The following NEO1 variants were observed in gnomAD, a reference collection of about 807,000 sequenced individuals.
NEO1 encodes the protein neogenin 1.
A neutral mutation model predicts 159.7 loss-of-function variants in NEO1; 63 were observed. That is an observed-to-expected ratio of 0.39 (90% confidence interval 0.32 to 0.49). The LOEUF (loss-of-function observed/expected upper bound fraction) is 0.49. Ranked by LOEUF, NEO1 falls within the 20% of genes least tolerant of loss-of-function variation. The probability of loss-of-function intolerance (pLI) is 0.85; values close to 1 mark genes in which losing one functional copy is unlikely to be tolerated. For synonymous variants in NEO1, 633 were observed against 662.0 expected (o/e 0.96, Z 0.67); for missense variants, 1,615 against 1,831.0 (o/e 0.88, Z 2.15).
At chr15:73,291,523 G>A (rs538563308) in intron 25 of NEO1, among the ~76,000 whole-genome samples, 3 of 152,214 alleles carry the variant, frequency 2.0e-5, no homozygotes, top group South Asian at 4.1e-4. Flanking sequence ...TTTAAAACCC[G>A]CATGGCTACA....
chr15:73,210,231 C>T (rs1048531700), intron 7 of NEO1, among the ~76,000 whole-genome samples: 1 of 152,154 alleles, frequency 6.6e-6, no homozygotes, highest in Non-Finnish European at 1.5e-5. Flanking sequence ...GCCCACTTAC[C>T]AAGAGGACAG....
rs773170201 is a variant in NEO1 at position 73,253,380 on chromosome 15, T to A, written c.1895-20T>A. ...TGGGTGATTAAAAAAAAAATTTTTT[T>A]TTTTTTTTTGTTTCTCTAGTTCCCA... On this transcript the variant is annotated intron_variant, in intron 11 of 28. Transcript: ENST00000261908. 2 of 1,521,850 alleles carry A rather than the reference T, an allele frequency of 1.3e-6. No individual in the cohort carries two copies. The highest frequency in any genetic ancestry group is 1.4e-5 in the African/African-American group (1 of 71,070). 94.3% of individuals were successfully genotyped at this position (1,521,850 alleles called of 1,614,324 possible).
intron 1 of NEO1, among the ~76,000 whole-genome samples, chr15:73,088,422 T>G (rs538345950): frequency 6.6e-6 from 1 of 152,176 alleles, no homozygotes; most frequent in South Asian, 2.1e-4. Context: ...GAACTGTGCT[T>G]CTTTTAGGTT....
chr15:73,192,282 T>G (rs1406067125), intron 7 of NEO1, among the ~76,000 whole-genome samples: 3 of 152,028 alleles, frequency 2.0e-5, no homozygotes, highest in African/African-American at 7.2e-5. Flanking sequence ...TGTATAAACT[T>G]TTTATTTGCA....
intron 1 of NEO1, among the ~76,000 whole-genome samples, chr15:73,099,710 C>T (rs965238745): frequency 6.6e-6 from 1 of 152,078 alleles, no homozygotes; most frequent in South Asian, 2.1e-4. Context: ...ATTTTTTTAA[C>T]TGAACTTGGT....
At chr15:73,182,527 C>G (rs923026137) in intron 7 of NEO1, among the ~76,000 whole-genome samples, 7 of 152,038 alleles carry the variant, frequency 4.6e-5, no homozygotes, top group Admixed American at 3.9e-4. Flanking sequence ...ATACCTGAGA[C>G]TGGGTAATTT....
At chr15:73,135,741 C>T (rs890944235) in intron 4 of NEO1, 150 bp from the exon 5 acceptor site, 16 of 645,630 alleles carry the variant, frequency 2.5e-5, no homozygotes, top group Admixed American at 4.1e-5. Context: ...AAATTAAATT[C>T]TGGTAATTTT....
In NEO1 at chr15:73,089,498, G is replaced by A. The variant is rs560199340; in HGVS notation, c.131-27042G>A. On this transcript the variant is annotated intron_variant, in intron 1 of 28. Transcript: ENST00000261908. ...TGTAGAAAATGGAATGAAGACTTTG[G>A]CAAGCAGTCAAATAAAAATATGCAA... Among the ~76,000 whole-genome samples the A allele has an allele frequency of 3.3e-5, 5 of 151,972 alleles. No individual in the cohort carries two copies. The South Asian group carries it at 1.0e-3, about 32-fold the overall frequency.
At chr15:73,299,100 C>T (rs757454292) in intron 27 of NEO1, among the ~76,000 whole-genome samples, 3 of 152,062 alleles carry the variant, frequency 2.0e-5, no homozygotes, top group Non-Finnish European at 2.9e-5. Context: ...AGTAACAGTC[C>T]CCTGACCTCA....
chr15:73,064,923 C>G (rs1444930455), intron 1 of NEO1, among the ~76,000 whole-genome samples: 1 of 152,058 alleles, frequency 6.6e-6, no homozygotes, highest in Admixed American at 6.6e-5. Context: ...CTTCTGCTTG[C>G]ACTGCTTATT....
At chr15:73,220,746 C>T (rs11637722) in intron 7 of NEO1, among the ~76,000 whole-genome samples, 11,944 of 152,220 alleles carry the variant, frequency 0.078, 560 homozygotes, top group Non-Finnish European at 0.097. Context: ...GCATTCTTCA[C>T]GTAGTTCTCG....
intron 1 of NEO1, among the ~76,000 whole-genome samples, chr15:73,068,271 G>C (rs558804604): frequency 1.5e-5 from 2 of 137,732 alleles, no homozygotes; most frequent in African/African-American, 5.6e-5. Context: ...ACCCAGGCTG[G>C]AGTGCATTGG....
chr15:73,060,087 A>G (rs2067905348), intron 1 of NEO1, among the ~76,000 whole-genome samples: 1 of 152,176 alleles, frequency 6.6e-6, no homozygotes, highest in Admixed American at 6.5e-5. Context: ...TCTAGTTAAG[A>G]TAATAGCATT....
intron 12 of NEO1, 36 bp from the exon 13 acceptor site, chr15:73,254,646 T>C (rs1331266185): frequency 1.9e-6 from 3 of 1,540,934 alleles, no homozygotes; most frequent in Admixed American, 2.2e-5. Context: ...GCTTTTGATA[T>C]ATTCAGCCTT....
chr15:73,221,313 G>T (rs183050151), intron 7 of NEO1, among the ~76,000 whole-genome samples: 1 of 152,178 alleles, frequency 6.6e-6, no homozygotes, highest in Non-Finnish European at 1.5e-5. Flanking sequence ...GTACCCGGCC[G>T]TGTGAAGTGT....
At chr15:73,165,943 C>T (rs376113172) in intron 5 of NEO1, among the ~76,000 whole-genome samples, 40 of 152,270 alleles carry the variant, frequency 2.6e-4, no homozygotes, top group African/African-American at 9.4e-4. Context: ...ACGGGATTTT[C>T]CATTGTGGGC....
intron 5 of NEO1, among the ~76,000 whole-genome samples, chr15:73,156,707 C>A (rs988504861): frequency 5.3e-5 from 8 of 152,194 alleles, no homozygotes; most frequent in Admixed American, 5.2e-4. Context: ...TTTCTGAGGA[C>A]AAGTGCTTGC....
At chr15:73,052,263 G>A (rs2067470846), upstream of NEO1, among the ~76,000 whole-genome samples, 1 of 144,634 alleles carries the variant, frequency 6.9e-6, no homozygotes, top group Admixed American at 6.8e-5. Flanking sequence ...CGGGCGAGGC[G>A]CGCGCGTGCG....
At chr15:73,082,043 A>G (rs1260228798) in intron 1 of NEO1, among the ~76,000 whole-genome samples, 1 of 151,560 alleles carries the variant, frequency 6.6e-6, no homozygotes, top group Non-Finnish European at 1.5e-5. Context: ...CCAGCTAATT[A>G]TTGTATTTTT....
Sources: gnomAD v4.1 joint callset for allele counts (sites outside exome capture counted in the v4.1 genomes callset) on GRCh38, gnomAD v4.1.1 for gene constraint, MANE v1.5 for transcripts, NCBI Gene and HGNC (gene_info 2026-07-23, HGNC 2026-07-21) for gene names.